The following PDE1C variants were observed in gnomAD, a reference collection of about 807,000 sequenced individuals.
PDE1C encodes dual specificity calcium/calmodulin-dependent 3',5'-cyclic nucleotide phosphodiesterase 1C.
A neutral mutation model predicts 93.1 loss-of-function variants in PDE1C; 62 were observed. The observed-to-expected ratio is 0.67, with a 90% CI of 0.54 to 0.82. The LOEUF (loss-of-function observed/expected upper bound fraction) is 0.82. Ranked by LOEUF, PDE1C falls within the 40% of genes least tolerant of loss-of-function variation. PDE1C has a pLI of 0.00. For synonymous variants in PDE1C, 325 were observed against 310.1 expected (o/e 1.05, Z -0.50); for missense variants, 742 against 884.6 (o/e 0.84, Z 2.04).
chr7:32,047,542 AG>A (rs1219472320), intron 2 of PDE1C, among the ~76,000 whole-genome samples: 11 of 152,192 alleles, frequency 7.2e-5, no homozygotes, highest in Non-Finnish European at 1.5e-4. Context: ...GTCTTGGAAG[AG>A]ATTAGTATAC....
chr7:32,188,059 A>C (rs1803996951), intron 2 of PDE1C, among the ~76,000 whole-genome samples: 1 of 152,192 alleles, frequency 6.6e-6, no homozygotes, highest in African/African-American at 2.4e-5. Context: ...GATTTATTGA[A>C]TTTTCATTAA....
At chr7:32,298,882 G>A (rs1180852640) in exon 1 of PDE1C, 2 of 1,373,824 alleles carry the variant, frequency 1.5e-6, no homozygotes, top group Admixed American at 7.5e-5. Flanking sequence ...CGCGCTGGCA[G>A]CTGAGCGCCT....
At chr7:31,939,003 T>G (rs1805460954) in intron 2 of PDE1C, among the ~76,000 whole-genome samples, 1 of 152,168 alleles carries the variant, frequency 6.6e-6, no homozygotes, top group South Asian at 2.1e-4. Flanking sequence ...TTCTAGGTAT[T>G]GCACAGGACA....
chr7:32,232,276 T>C (rs1164574513), intron 1 of PDE1C, among the ~76,000 whole-genome samples: 7 of 152,234 alleles, frequency 4.6e-5, no homozygotes, highest in African/African-American at 1.7e-4. Flanking sequence ...AGGTGAATCC[T>C]TCCAGTTATG....
chr7:31,906,508 T>C (rs549772902), intron 2 of PDE1C, among the ~76,000 whole-genome samples: 5 of 152,308 alleles, frequency 3.3e-5, no homozygotes, highest in Admixed American at 3.3e-4. Flanking sequence ...CAGGATGATA[T>C]TCAGATCAGA....
In PDE1C at chr7:31,980,493, C is replaced by T. The variant is rs1448402001; in HGVS notation, c.128+71061G>A. ...GGTCACAAGATTGCTATTTTTTCCA[C>T]ATTTCATAAGACTTTTTGGTTAATA... On this transcript the variant is annotated intron_variant, in intron 2 of 17. Coordinates refer to ENST00000396191, the MANE Select transcript of PDE1C (RefSeq NM_001191057.4). Among the ~76,000 whole-genome samples, 5 of 152,302 alleles carry T rather than the reference C, an allele frequency of 3.3e-5. No individual in the cohort carries two copies. In the East Asian group the frequency reaches 9.7e-4, roughly 29 times the overall value.
chr7:31,831,100 T>A (rs1790323936), intron 11 of PDE1C, among the ~76,000 whole-genome samples: 1 of 152,080 alleles, frequency 6.6e-6, no homozygotes, highest in South Asian at 2.1e-4. Flanking sequence ...TCTTTTCAGG[T>A]GAAATGAAGA....
At chr7:32,206,704 A>G (rs373434036) in intron 2 of PDE1C, among the ~76,000 whole-genome samples, 73 of 152,324 alleles carry the variant, frequency 4.8e-4, no homozygotes, top group South Asian at 1.7e-3. Flanking sequence ...CAGTACCCAC[A>G]TGAGGTATTC....
At chr7:32,024,922 G>A (rs1332378177) in intron 2 of PDE1C, among the ~76,000 whole-genome samples, 1 of 152,138 alleles carries the variant, frequency 6.6e-6, no homozygotes, top group African/African-American at 2.4e-5. Flanking sequence ...GACCTGGACA[G>A]ATGGTAAAAG....
At chr7:32,409,379 G>GAAAAC (rs1208565116) in intron 1 of PDE1C, among the ~76,000 whole-genome samples, 1 of 151,850 alleles carries the variant, frequency 6.6e-6, no homozygotes, top group Non-Finnish European at 1.5e-5. Context: ...GAAAAGAAAA[G>GAAAAC]AGAAAAGAAA....
At chr7:31,773,241 A>G (rs1447142095) in intron 17 of PDE1C, among the ~76,000 whole-genome samples, 1 of 152,142 alleles carries the variant, frequency 6.6e-6, no homozygotes, top group Non-Finnish European at 1.5e-5. Context: ...ACAGCCCTGT[A>G]GGCTTTGGAG....
At chr7:31,791,449 A>G (rs1784585054) in intron 16 of PDE1C, among the ~76,000 whole-genome samples, 1 of 152,118 alleles carries the variant, frequency 6.6e-6, no homozygotes, top group Non-Finnish European at 1.5e-5. Flanking sequence ...GAAATTTTCC[A>G]TTGATGTTGA....
intron 2 of PDE1C, among the ~76,000 whole-genome samples, chr7:32,000,523 C>T (rs1397096380): frequency 6.6e-6 from 1 of 152,140 alleles, no homozygotes; most frequent in African/African-American, 2.4e-5. Context: ...CCCATGATGG[C>T]AGCCACACCC....
At chr7:32,407,147 C>T (rs1032341390) in intron 1 of PDE1C, among the ~76,000 whole-genome samples, 10 of 151,012 alleles carry the variant, frequency 6.6e-5, no homozygotes, top group Middle Eastern at 3.4e-3. Flanking sequence ...TAGTGGTGGG[C>T]GCCTATAATC....
At chr7:31,652,510 C>A in the PDE1C span, 10 of 1,581,116 alleles carry the variant, frequency 6.3e-6, no homozygotes, top group Admixed American at 1.8e-5. Context: ...CTCTTGTTTT[C>A]CTTTTAGCAG....
intron 1 of PDE1C, among the ~76,000 whole-genome samples, chr7:32,280,583 T>G (rs574170866): frequency 1.3e-5 from 2 of 152,248 alleles, no homozygotes; most frequent in African/African-American, 4.8e-5. Context: ...CCATGAAACA[T>G]GTACAAAAAT....
At chr7:31,795,648 C>T (rs1032633859) in intron 16 of PDE1C, among the ~76,000 whole-genome samples, 2 of 151,754 alleles carry the variant, frequency 1.3e-5, no homozygotes, top group African/African-American at 4.8e-5. Context: ...TTTTATTTGA[C>T]ATTTCTACTA....
chr7:31,617,424 T>C, the PDE1C span, among the ~76,000 whole-genome samples: 1 of 152,176 alleles, frequency 6.6e-6, no homozygotes, highest in Admixed American at 6.5e-5. Flanking sequence ...ATTGAAATAA[T>C]AACCAAATCT....
chr7:31,996,476 G>T (rs1358187194), intron 2 of PDE1C, among the ~76,000 whole-genome samples: 1 of 152,188 alleles, frequency 6.6e-6, no homozygotes, highest in East Asian at 1.9e-4. Flanking sequence ...TTTTGGATGG[G>T]TGACCTATTA....
Sources: allele counts gnomAD v4.1 joint callset (sites outside exome capture counted in the v4.1 genomes callset), GRCh38; gene constraint gnomAD v4.1.1; transcripts MANE v1.5; gene names NCBI Gene and HGNC (gene_info 2026-07-23, HGNC 2026-07-21).